Variants in MGAT4C observed in about 807,000 individuals in gnomAD.
The protein encoded by MGAT4C is alpha-1,3-mannosyl-glycoprotein 4-beta-N-acetylglucosaminyltransferase C.
A neutral mutation model predicts 40.1 loss-of-function variants in MGAT4C; 19 were observed. The observed-to-expected ratio is 0.47, with a 90% CI of 0.33 to 0.70. The LOEUF (loss-of-function observed/expected upper bound fraction) is 0.70, where lower values mean the gene tolerates loss of function less well. Among genes scored for constraint, MGAT4C ranks in the 30% least tolerant of loss-of-function variants. The probability of loss-of-function intolerance (pLI) is 0.02; values close to 1 mark genes in which losing one functional copy is unlikely to be tolerated. For missense variants in MGAT4C, 491 were observed against 563.2 expected (o/e 0.87, Z 1.30); for synonymous variants, 181 against 187.1 (o/e 0.97, Z 0.27).
rs1882959960 is a variant in MGAT4C at position 85,958,839 on chromosome 12, TTTAA to T, written c.*20446_*20449del. 1 of 152,084 alleles carries T rather than the reference TTTAA, an allele frequency of 6.6e-6. No homozygotes were observed. Among genetic ancestry groups the T allele is most frequent in the Non-Finnish European group, 1.5e-5 (1 of 67,968 alleles). 9.4% of individuals were successfully genotyped at this position (152,084 alleles called of 1,614,324 possible). A position where few individuals can be genotyped will look rare whatever the true frequency, so the allele number is the denominator to read the frequency against. On this transcript the variant is annotated 3_prime_UTR_variant, in exon 5 of 5. Coordinates refer to ENST00000611864, the MANE Select transcript of MGAT4C (RefSeq NM_001351288.2). ...AAAAAAAGTAGCAATAAAATACATT[TTTAA>T]TTTAGTTAAGCTTACTTAACTAATG...
chr12:86,000,475 T>C (rs1269994331), intron 2 of MGAT4C, among the ~76,000 whole-genome samples: 1 of 152,138 alleles, frequency 6.6e-6, no homozygotes, highest in Non-Finnish European at 1.5e-5. Flanking sequence ...GAGAAATTCC[T>C]TGCAACACAG....
At chr12:86,716,364 C>T (rs1179715130) in intron 2 of MGAT4C, among the ~76,000 whole-genome samples, 1 of 152,076 alleles carries the variant, frequency 6.6e-6, no homozygotes, top group Non-Finnish European at 1.5e-5. Context: ...CATATGTTGG[C>T]CCTACCTAAT....
chr12:86,634,220 A>G (rs1424492019), intron 2 of MGAT4C, among the ~76,000 whole-genome samples: 6 of 152,144 alleles, frequency 3.9e-5, no homozygotes, highest in African/African-American at 7.2e-5. Flanking sequence ...TGAAATCATG[A>G]CTGCAGAAAG....
At position 85,979,575 on chromosome 12, in the gene MGAT4C, T is replaced by G. The variant is rs970179019; in HGVS notation, c.1151A>C (p.Glu384Ala). The part of the protein sequence containing the change: ...STGDVFVIVF[E>A]NPIIIKKIKV... Reference sequence around the variant, plus strand: ...AATTTTTTTTATTATAATTGGATTTTCAAATACAATCACAAAAACATCTCC... The same window carrying G: ...AATTTTTTTTATTATAATTGGATTTGCAAATACAATCACAAAAACATCTCC... Residue 384 changes from glutamate to alanine, a missense_variant, in exon 5 of 5, where the codon GAA becomes GCA. By Grantham distance (107) the Glu-to-Ala change is moderately radical. Coordinates refer to ENST00000611864, the MANE Select transcript of MGAT4C (RefSeq NM_001351288.2). 1 of 1,607,402 alleles carries G rather than the reference T, an allele frequency of 6.2e-7. No homozygotes were observed. The highest frequency in any genetic ancestry group is 8.5e-7 in the Non-Finnish European group (1 of 1,177,364).
intron 1 of MGAT4C, among the ~76,000 whole-genome samples, chr12:86,115,966 T>C (rs1270321728): frequency 6.6e-6 from 1 of 152,144 alleles, no homozygotes; most frequent in East Asian, 1.9e-4. Context: ...AGGTTTAGGA[T>C]TTCAACGTAT....
At chr12:86,438,843 C>A (rs530688159) in intron 2 of MGAT4C, among the ~76,000 whole-genome samples, 174 of 151,478 alleles carry the variant, frequency 1.1e-3, no homozygotes, top group African/African-American at 4.1e-3. Flanking sequence ...TCAGATGAAA[C>A]AGAACTTAAA....
intron 2 of MGAT4C, among the ~76,000 whole-genome samples, chr12:86,549,046 T>G (rs916685512): frequency 3.9e-5 from 6 of 152,228 alleles, no homozygotes; most frequent in African/African-American, 1.2e-4. Context: ...TCACAGGGAT[T>G]TTTTGAGTTA....
chr12:86,200,029 C>T (rs1182418243), intron 1 of MGAT4C, among the ~76,000 whole-genome samples: 1 of 151,632 alleles, frequency 6.6e-6, no homozygotes, highest in Non-Finnish European at 1.5e-5. Context: ...CTGTCAAGCT[C>T]TTCTCTACTC....
At chr12:86,691,517 T>C (rs987114574) in intron 2 of MGAT4C, among the ~76,000 whole-genome samples, 27 of 152,146 alleles carry the variant, frequency 1.8e-4, no homozygotes, top group African/African-American at 5.1e-4. Flanking sequence ...GGCTATACCC[T>C]ACAAATGTGA....
intron 1 of MGAT4C, among the ~76,000 whole-genome samples, chr12:86,790,599 A>G (rs958887807): frequency 2.6e-5 from 4 of 152,276 alleles, no homozygotes; most frequent in Middle Eastern, 3.4e-3. Context: ...TGAATCACAG[A>G]TAATATCCCA....
At chr12:86,292,004 T>C (rs1381927613) in intron 4 of MGAT4C, among the ~76,000 whole-genome samples, 2 of 152,208 alleles carry the variant, frequency 1.3e-5, no homozygotes, top group Non-Finnish European at 2.9e-5. Context: ...TGGGATCATA[T>C]GACTAACTTG....
At chr12:86,101,826 A>G (rs1462928224) in intron 1 of MGAT4C, among the ~76,000 whole-genome samples, 1 of 151,970 alleles carries the variant, frequency 6.6e-6, no homozygotes, top group Non-Finnish European at 1.5e-5. Flanking sequence ...ATGCATACAG[A>G]TTTAAAGGCT....
At chr12:86,054,550 C>T (rs889003420) in intron 1 of MGAT4C, among the ~76,000 whole-genome samples, 5 of 151,880 alleles carry the variant, frequency 3.3e-5, no homozygotes, top group African/African-American at 1.2e-4. Flanking sequence ...ATATTGTATA[C>T]TTGAAAATTG....
chr12:86,613,070 T>A (rs1356753241), intron 2 of MGAT4C, among the ~76,000 whole-genome samples: 1 of 152,144 alleles, frequency 6.6e-6, no homozygotes, highest in South Asian at 2.1e-4. Context: ...TCTATTTTCC[T>A]GTAAATGATA....
chr12:86,055,896 T>C (rs1342668721), intron 1 of MGAT4C, among the ~76,000 whole-genome samples: 6 of 152,106 alleles, frequency 3.9e-5, no homozygotes, highest in Admixed American at 3.3e-4. Flanking sequence ...CCAGTTCATT[T>C]GCCTGACTCC....
At chr12:86,833,007 C>A (rs981014490) in intron 1 of MGAT4C, among the ~76,000 whole-genome samples, 1 of 151,804 alleles carries the variant, frequency 6.6e-6, no homozygotes, top group African/African-American at 2.4e-5. Context: ...TTGAGGTAGA[C>A]ATTTACATCA....
chr12:86,353,797 G>T (rs1955235836), intron 3 of MGAT4C, among the ~76,000 whole-genome samples: 1 of 152,032 alleles, frequency 6.6e-6, no homozygotes. Context: ...CCCTCTCTCT[G>T]CCTCTCTCTC....
At chr12:86,351,199 C>T (rs1955153459) in intron 3 of MGAT4C, among the ~76,000 whole-genome samples, 1 of 151,822 alleles carries the variant, frequency 6.6e-6, no homozygotes, top group South Asian at 2.1e-4. Flanking sequence ...AGTTCCAAAC[C>T]TAGGCCAAAT....
At chr12:86,585,967 T>C (rs1961015869) in intron 2 of MGAT4C, among the ~76,000 whole-genome samples, 1 of 151,220 alleles carries the variant, frequency 6.6e-6, no homozygotes, top group Non-Finnish European at 1.5e-5. Context: ...ATTATTATTA[T>C]ACTTTAAGTT....
Sources: gnomAD v4.1 joint callset for allele counts (sites outside exome capture counted in the v4.1 genomes callset) on GRCh38, gnomAD v4.1.1 for gene constraint, MANE v1.5 for transcripts, NCBI Gene and HGNC (gene_info 2026-07-23, HGNC 2026-07-21) for gene names.